The following NTMT2 variants were observed in gnomAD, a reference collection of about 807,000 sequenced individuals.
NTMT2 encodes X-Pro-Lys N-terminal protein methyltransferase 1B.
A neutral mutation model predicts 23.4 loss-of-function variants in NTMT2; 21 were observed. That is an observed-to-expected ratio of 0.90 (90% CI 0.64 to 1.29). NTMT2 has a LOEUF of 1.29. NTMT2 is among the 50% of genes most tolerant of loss of function. NTMT2 has a pLI of 0.00. For missense variants in NTMT2, 336 were observed against 352.0 expected (o/e 0.95, Z 0.36); for synonymous variants, 131 against 127.7 (o/e 1.03, Z -0.17).
chr1:170,164,456 G>A (rs1673334430), intron 2 of NTMT2, among the ~76,000 whole-genome samples: 1 of 152,162 alleles, frequency 6.6e-6, no homozygotes, highest in Non-Finnish European at 1.5e-5. Flanking sequence ...TTTTTGTTAT[G>A]AATTTACTTA....
intron 1 of NTMT2, 68 bp from the exon 2 acceptor site, chr1:170,160,450 C>A: frequency 2.4e-6 from 3 of 1,262,440 alleles, no homozygotes; most frequent in Non-Finnish European, 3.2e-6. Context: ...AAAGGAAATG[C>A]AATGCATAAA....
At chr1:170,149,700 T>C (rs990679042) in intron 1 of NTMT2, among the ~76,000 whole-genome samples, 2 of 152,208 alleles carry the variant, frequency 1.3e-5, no homozygotes, top group South Asian at 4.1e-4. Context: ...AGCCTCTGAG[T>C]ATAATTTTTC....
rs952402365 is a variant in NTMT2, at chr1:170,160,825, G to T, written c.330+132G>T. On this transcript the variant is annotated intron_variant, in intron 2 of 3. Coordinates refer to ENST00000439373, the MANE Select transcript of NTMT2 (RefSeq NM_001136107.2). ...CCAAGAGTTCTGCCGCCTGCAAGCC[G>T]GTTTTAAGATGTTCAGAAAGGATGA... The T allele has an allele frequency of 7.3e-6, 5 of 686,858 alleles. No homozygotes were observed. In the Admixed American group the frequency reaches 1.8e-4, roughly 25 times the overall value. The allele number at this position is 686,858 out of a possible 1,614,324, so 42.5% of individuals were successfully genotyped here.
chr1:170,147,373 T>C (rs2102228069), intron 1 of NTMT2, among the ~76,000 whole-genome samples: 1 of 152,316 alleles, frequency 6.6e-6, no homozygotes, highest in Admixed American at 6.5e-5. Context: ...TCCTTCTTCC[T>C]TTCATTTTAC....
At position 170,166,558 on chromosome 1, in the gene NTMT2, G is replaced by T. The variant is rs535550660; in HGVS notation, c.387G>T (p.Arg129Ser). ...CALDCGSGIG[R>S]VSKHVLLPVF... is the part of the protein sequence containing the mutation. The stretch of plus-strand genomic sequence containing the variant: ...TGGACTGCGGCTCCGGGATAGGAAG[G>T]GTCAGCAAACACGTCTTATTGCCTG... Residue 129 changes from arginine (R) to serine (S), a missense_variant, in exon 3 of 4, where the codon AGG becomes AGT. Physicochemically the swap from Arg to Ser is moderately radical, Grantham distance 110 (BLOSUM62 -1). Transcript: ENST00000439373. The T allele has an allele frequency of 6.3e-4, 982 of 1,552,278 alleles. 11 individuals are homozygous for T. In the South Asian group the frequency reaches 0.011, roughly 17 times the overall value.
chr1:170,165,841 T>A (rs76093279), intron 2 of NTMT2, among the ~76,000 whole-genome samples: 1 of 55,986 alleles, frequency 1.8e-5, no homozygotes, highest in African/African-American at 3.9e-5. Context: ...AATGGCTCAT[T>A]TTTTTTTTTT....
At position 170,168,632 on chromosome 1, in the gene NTMT2, A is replaced by G. The variant is rs1415258199; in HGVS notation, c.*875A>G. Among the ~76,000 whole-genome samples, 2 of 152,248 alleles carry G rather than the reference A, an allele frequency of 1.3e-5. No individual in the cohort carries two copies. The highest frequency in any genetic ancestry group is 4.8e-5 in the African/African-American group (2 of 41,468). On this transcript the variant is annotated 3_prime_UTR_variant, in exon 4 of 4. Coordinates refer to ENST00000439373, the MANE Select transcript of NTMT2 (RefSeq NM_001136107.2). Reference sequence around the variant, plus strand: ...GTGATGGGAAGTATCTCCTTTCAGGAGAAAATGTTGTGCCCTGAAATTTCA... The same window carrying G: ...GTGATGGGAAGTATCTCCTTTCAGGGGAAAATGTTGTGCCCTGAAATTTCA...
chr1:170,166,686 A>T lies in NTMT2; in HGVS notation c.515A>T (p.Tyr172Phe). 6.4e-7 allele frequency: 1 copy of T among 1,552,332 alleles called. No individual in the cohort carries two copies. Among genetic ancestry groups the T allele is most frequent in the Non-Finnish European group, 8.7e-7 (1 of 1,147,114 alleles). The change falls in exon 3 of 4, where the codon TAC (tyrosine) becomes TTC (phenylalanine). Residue 172 changes from tyrosine to phenylalanine, a missense_variant. Tyr to Phe is a conservative substitution (Grantham distance 22). Coordinates refer to ENST00000439373, the MANE Select transcript of NTMT2 (RefSeq NM_001136107.2). ...GACAAAGTAGAAAGCTACCACTGCTACAGCCTGCAGGAATTCACACCCCCC... is the reference window on the plus strand; with the variant it reads ...GACAAAGTAGAAAGCTACCACTGCTTCAGCCTGCAGGAATTCACACCCCCC... Reference protein sequence around the residue: ...KGDKVESYHCYSLQEFTPPFR... With the variant: ...KGDKVESYHCFSLQEFTPPFR...
chr1:170,157,327 G>T (rs531516965), intron 1 of NTMT2, among the ~76,000 whole-genome samples: 2 of 152,156 alleles, frequency 1.3e-5, no homozygotes, highest in East Asian at 3.9e-4. Flanking sequence ...ACTTTTAAAA[G>T]ATTTATATTT....
chr1:170,160,428 C>T, intron 1 of NTMT2, 90 bp from the exon 2 acceptor site: 1 of 1,198,242 alleles, frequency 8.3e-7, no homozygotes, highest in Non-Finnish European at 1.1e-6. Flanking sequence ...AGCACAGATT[C>T]ACAGGCTTTT....
rs1200713695 is a variant in NTMT2, at chr1:170,166,631, G to A, written c.460G>A (p.Glu154Lys). The A allele has an allele frequency of 1.3e-6, 2 of 1,551,982 alleles. No individual in the cohort carries two copies. The highest frequency in any genetic ancestry group is 1.7e-6 in the Non-Finnish European group (2 of 1,147,096). The change falls in exon 3 of 4, where the codon GAA becomes AAA. Residue 154 changes from glutamate (E) to lysine (K), a missense_variant. Physicochemically the swap from Glu to Lys is moderately conservative, Grantham distance 56 (BLOSUM62 1). Coordinates refer to ENST00000439373, the MANE Select transcript of NTMT2 (RefSeq NM_001136107.2). ...GGATATGATGGAATCCTTTCTCCTT[G>A]AAGCCCAGAACTACCTGCAGGTCAA... ...LVDMMESFLL[E>K]AQNYLQVKGD...
intron 1 of NTMT2, among the ~76,000 whole-genome samples, chr1:170,150,700 T>C (rs1173404211): frequency 6.6e-6 from 1 of 152,212 alleles, no homozygotes; most frequent in African/African-American, 2.4e-5. Context: ...TCGCTTTCTG[T>C]TGAGATAATC....
intron 1 of NTMT2, among the ~76,000 whole-genome samples, chr1:170,148,615 A>G (rs1323020345): frequency 1.3e-5 from 2 of 152,172 alleles, no homozygotes; most frequent in East Asian, 3.8e-4. Context: ...GATGATAGAA[A>G]TTTAGGGCTA....
intron 2 of NTMT2, 91 bp downstream of exon 2, chr1:170,160,784 A>T: frequency 1.7e-6 from 2 of 1,155,294 alleles, no homozygotes; most frequent in Non-Finnish European, 2.4e-6. Flanking sequence ...AGTCACGACT[A>T]AGCCATATGA....
intron 1 of NTMT2, among the ~76,000 whole-genome samples, chr1:170,151,876 G>A (rs920632044): frequency 3.9e-5 from 6 of 152,026 alleles, no homozygotes; most frequent in Admixed American, 2.0e-4. Context: ...TAGTCAGTTC[G>A]ATATAAATGT....
intron 1 of NTMT2, 115 bp downstream of exon 1, chr1:170,146,376 C>A: frequency 1.0e-6 from 1 of 967,794 alleles, no homozygotes; most frequent in Non-Finnish European, 1.5e-6. Context: ...ACAAAAAAAA[C>A]TCCACAACCA....
chr1:170,166,125 C>CTTTTTTTT (rs1420113193), intron 2 of NTMT2, among the ~76,000 whole-genome samples: 4 of 112,558 alleles, frequency 3.6e-5, no homozygotes, highest in Admixed American at 1.0e-4. Flanking sequence ...AATTTTCTTT[C>CTTTTTTTT]TTTTTTTTTT....
rs57166192 is a variant in NTMT2, at chr1:170,168,240, C to CAAAAAA, written c.*492_*497dup. 2.6e-5 allele frequency among the ~76,000 whole-genome samples: 3 copies of CAAAAAA among 116,772 alleles called. No individual in the cohort carries two copies. Among genetic ancestry groups the CAAAAAA allele is most frequent in the East Asian group, 2.9e-4 (1 of 3,490 alleles). The allele number at this position is 116,772 out of a possible 152,430, so 76.6% of individuals were successfully genotyped here. ...CAGATAAAGCATTTGTCTACTCAAA[C>CAAAAAA]AAAAAAAAAAAAAAGAAAAAGAAAC... is the stretch of plus-strand genomic sequence containing the variant. On this transcript the variant is annotated 3_prime_UTR_variant, in exon 4 of 4. Transcript: ENST00000439373.
At chr1:170,160,048 GAT>G (rs1397212491) in intron 1 of NTMT2, among the ~76,000 whole-genome samples, 1 of 152,026 alleles carries the variant, frequency 6.6e-6, no homozygotes, top group East Asian at 1.9e-4. Context: ...GCTTGAAAAA[GAT>G]ATAAAAACAG....
Sources: gnomAD v4.1 joint callset for allele counts (sites outside exome capture counted in the v4.1 genomes callset) on GRCh38, gnomAD v4.1.1 for gene constraint, MANE v1.5 for transcripts, NCBI Gene and HGNC (gene_info 2026-07-23, HGNC 2026-07-21) for gene names.